The following CFAP299 variants were observed in gnomAD, a reference collection of about 807,000 sequenced individuals.
CFAP299 encodes the protein cilia- and flagella-associated protein 299.
In CFAP299, 21 loss-of-function variants were observed where a neutral mutation model predicts 27.0. The observed-to-expected ratio is 0.78, with a 90% CI of 0.55 to 1.12. The LOEUF is 1.12. Among genes scored for constraint, CFAP299 ranks in the 50% most tolerant of loss-of-function variants. The pLI, the probability that CFAP299 is intolerant of heterozygous loss-of-function variation, is 0.00. For synonymous variants in CFAP299, 104 were observed against 98.1 expected, an observed-to-expected ratio of 1.06 and a Z score of -0.36; for missense variants, 310 against 276.6, an observed-to-expected ratio of 1.12 and a Z score of -0.86.
At chr4:80,681,572 T>TAG (rs1560695004) in intron 3 of CFAP299, among the ~76,000 whole-genome samples, 28 of 152,308 alleles carry the variant, frequency 1.8e-4, no homozygotes, top group African/African-American at 6.5e-4. Context: ...CCCACTTCTT[T>TAG]AGTTGCCCAG....
chr4:80,743,036 C>T (rs1330687112), intron 3 of CFAP299, among the ~76,000 whole-genome samples: 4 of 152,048 alleles, frequency 2.6e-5, no homozygotes, highest in South Asian at 2.1e-4. Context: ...GTATTGTATC[C>T]GTTAACTTGG....
At chr4:80,390,546 C>CATATATGT (rs1169863844) in intron 2 of CFAP299, among the ~76,000 whole-genome samples, 1 of 21,700 alleles carries the variant, frequency 4.6e-5, no homozygotes, top group African/African-American at 7.2e-5. Context: ...TGTATACACA[C>CATATATGT]ATATATGTAT....
intron 3 of CFAP299, among the ~76,000 whole-genome samples, chr4:80,732,203 C>A (rs1313998518): frequency 6.6e-6 from 1 of 152,092 alleles, no homozygotes; most frequent in African/African-American, 2.4e-5. Flanking sequence ...GATTCAGTTT[C>A]ATGGTTTTCC....
At chr4:80,656,660 A>G (rs914032204) in intron 3 of CFAP299, among the ~76,000 whole-genome samples, 3 of 152,150 alleles carry the variant, frequency 2.0e-5, no homozygotes, top group East Asian at 1.9e-4. Context: ...AGTCTTTGCT[A>G]TTGTGAACAG....
intron 2 of CFAP299, among the ~76,000 whole-genome samples, chr4:80,413,082 G>A (rs924245213): frequency 6.6e-6 from 1 of 152,174 alleles, no homozygotes; most frequent in South Asian, 2.1e-4. Context: ...CTCAACTTGT[G>A]TGAGAAGAGA....
chr4:80,898,175 C>A (rs926559872), intron 4 of CFAP299, among the ~76,000 whole-genome samples: 1 of 152,086 alleles, frequency 6.6e-6, no homozygotes, highest in Non-Finnish European at 1.5e-5. Context: ...AGCTCTTGAC[C>A]AGTGACCAAG....
intron 3 of CFAP299, among the ~76,000 whole-genome samples, chr4:80,632,198 T>C (rs1306669738): frequency 6.6e-6 from 1 of 152,104 alleles, no homozygotes; most frequent in Non-Finnish European, 1.5e-5. Context: ...TTTTTCAACA[T>C]GACTTAACAT....
intron 2 of CFAP299, among the ~76,000 whole-genome samples, chr4:80,526,449 A>G (rs764666228): frequency 2.6e-5 from 4 of 152,178 alleles, no homozygotes; most frequent in Non-Finnish European, 5.9e-5. Flanking sequence ...ACCTCTAGAG[A>G]CTAGAGACAG....
At chr4:80,706,714 C>T (rs1333786379) in intron 3 of CFAP299, among the ~76,000 whole-genome samples, 3 of 151,618 alleles carry the variant, frequency 2.0e-5, no homozygotes, top group African/African-American at 7.3e-5. Flanking sequence ...TTCTAGTTTC[C>T]CTTTGTCCTG....
intron 2 of CFAP299, among the ~76,000 whole-genome samples, chr4:80,559,730 G>A (rs1439729541): frequency 2.0e-5 from 3 of 152,138 alleles, no homozygotes; most frequent in African/African-American, 7.2e-5. Context: ...GAGTAAAAAG[G>A]AAACCAGACC....
chr4:80,906,625 C>A (rs191868138), intron 4 of CFAP299, among the ~76,000 whole-genome samples: 1 of 152,324 alleles, frequency 6.6e-6, no homozygotes. Context: ...AACCTCAATT[C>A]TTGTCTTCTG....
chr4:80,699,395 C>T (rs946593881), intron 3 of CFAP299, among the ~76,000 whole-genome samples: 2 of 152,128 alleles, frequency 1.3e-5, no homozygotes, highest in African/African-American at 4.8e-5. Flanking sequence ...CCATAACTCC[C>T]GATCAGCTGT....
chr4:80,597,256 A>G (rs1171207931), intron 3 of CFAP299, among the ~76,000 whole-genome samples: 1 of 152,132 alleles, frequency 6.6e-6, no homozygotes, highest in Non-Finnish European at 1.5e-5. Context: ...TCTGATTTTT[A>G]ATATTCTAGT....
chr4:80,810,092 G>A (rs1366565396), intron 3 of CFAP299, among the ~76,000 whole-genome samples: 1 of 152,032 alleles, frequency 6.6e-6, no homozygotes, highest in Non-Finnish European at 1.5e-5. Context: ...TATTTTTAGT[G>A]TTCTTGTTGT....
At chr4:80,669,880 G>T (rs547236367) in intron 3 of CFAP299, among the ~76,000 whole-genome samples, 39 of 150,908 alleles carry the variant, frequency 2.6e-4, no homozygotes, top group African/African-American at 9.5e-4. Flanking sequence ...CTCATTAAGG[G>T]TTTTTTATTA....
At chr4:80,412,814 C>T (rs1726792293) in intron 2 of CFAP299, among the ~76,000 whole-genome samples, 1 of 151,974 alleles carries the variant, frequency 6.6e-6, no homozygotes, top group South Asian at 2.1e-4. Flanking sequence ...TCACCAAATC[C>T]CTGGTTAAAG....
chr4:80,384,319 T>C (rs1724858953), intron 2 of CFAP299, among the ~76,000 whole-genome samples: 1 of 152,166 alleles, frequency 6.6e-6, no homozygotes, highest in South Asian at 2.1e-4. Context: ...GTGAGGACTA[T>C]GCTGAGAATT....
At chr4:80,351,264 T>G (rs780039277) in intron 1 of CFAP299, among the ~76,000 whole-genome samples, 6 of 152,164 alleles carry the variant, frequency 3.9e-5, no homozygotes, top group Non-Finnish European at 8.8e-5. Context: ...TATTTAAAGA[T>G]TATTGATTAT....
At chr4:80,782,726 A>G (rs1032259102) in intron 3 of CFAP299, among the ~76,000 whole-genome samples, 2 of 135,618 alleles carry the variant, frequency 1.5e-5, no homozygotes, top group African/African-American at 5.5e-5. Context: ...ATATGAATAT[A>G]TAATATATTC....
Sources: allele counts gnomAD v4.1 joint callset (sites outside exome capture counted in the v4.1 genomes callset), GRCh38; gene constraint gnomAD v4.1.1; transcripts MANE v1.5; gene names NCBI Gene and HGNC (gene_info 2026-07-23, HGNC 2026-07-21).